Variants in PTPRN2 observed in about 807,000 individuals in gnomAD.
The protein encoded by PTPRN2 is protein tyrosine phosphatase receptor type N2.
In PTPRN2, 74 loss-of-function variants were observed where a neutral mutation model predicts 118.8. The ratio of observed to expected loss-of-function variants is 0.62; its 90% confidence interval spans 0.52 to 0.76. PTPRN2 has a LOEUF of 0.76. Ranked by LOEUF, PTPRN2 falls within the 30% of genes least tolerant of loss-of-function variation. The pLI, the probability that PTPRN2 is intolerant of heterozygous loss-of-function variation, is 0.00. For synonymous variants in PTPRN2, 641 were observed against 608.0 expected (o/e 1.05, Z -0.80); for missense variants, 1,481 against 1,394.4 (o/e 1.06, Z -0.99).
At chr7:158,456,511 T>C (rs1464841158) in intron 2 of PTPRN2, among the ~76,000 whole-genome samples, 84 of 113,170 alleles carry the variant, frequency 7.4e-4, no homozygotes, top group Admixed American at 8.5e-4. Context: ...ACGGCACGGA[T>C]GCCATCGGCC....
chr7:158,577,985 A>G (rs1043025646), intron 1 of PTPRN2, among the ~76,000 whole-genome samples: 2 of 152,216 alleles, frequency 1.3e-5, no homozygotes, highest in Non-Finnish European at 2.9e-5. Flanking sequence ...CCTGCAGGCC[A>G]GAGGGCAAAG....
intron 12 of PTPRN2, among the ~76,000 whole-genome samples, chr7:157,753,109 G>A (rs1801578319): frequency 6.6e-6 from 1 of 152,216 alleles, no homozygotes; most frequent in Admixed American, 6.5e-5. Flanking sequence ...CTGCGTGCAG[G>A]GGGCAAGGAC....
intron 2 of PTPRN2, among the ~76,000 whole-genome samples, chr7:158,396,599 C>A (rs1379873848): frequency 6.6e-6 from 1 of 151,764 alleles, no homozygotes; most frequent in Non-Finnish European, 1.5e-5. Flanking sequence ...TTAGAGGCCA[C>A]CCAGAGCTCT....
rs1203274506 is a variant in PTPRN2, at chr7:157,682,813, C to G, written c.1913G>C (p.Cys638Ser). 1.2e-6 allele frequency: 2 copies of G among 1,614,094 alleles called. No individual in the cohort carries two copies. The highest frequency in any genetic ancestry group is 1.7e-5 in the Admixed American group (1 of 60,032). ...GVLLASGLIY[C>S]LRHSSQHRLK... ...CCTGTGCTGAGAGCTATGGCGGAGG[C>G]AGTAGATGAGGCCAGAGGCCAGGAG... Residue 638 changes from cysteine to serine, a missense_variant, in exon 13 of 23, where the codon TGC becomes TCC. Around this residue, in one of 3 missense-constraint regions of PTPRN2, gnomAD observed 1,115 missense variants for 994.2 expected, o/e 1.12. Coordinates refer to ENST00000389418, the MANE Select transcript of PTPRN2 (RefSeq NM_002847.5).
chr7:157,855,546 G>GT (rs1400339671), intron 12 of PTPRN2, among the ~76,000 whole-genome samples: 7 of 152,202 alleles, frequency 4.6e-5, no homozygotes, highest in Non-Finnish European at 1.0e-4. Flanking sequence ...CTTGATACAA[G>GT]TAATTCTCTA....
At position 158,347,939 on chromosome 7, in the gene PTPRN2, G is replaced by GC. The variant is rs201594955; in HGVS notation, c.164-31008dup. 9.2e-3 allele frequency among the ~76,000 whole-genome samples: 1,406 copies of GC among 152,226 alleles called. 17 individuals are homozygous for GC. The highest frequency in any genetic ancestry group is 0.032 in the African/African-American group (1,328 of 41,536). On this transcript the variant is annotated intron_variant, in intron 2 of 22. Transcript: ENST00000389418. ...TCAAGGGCCTTGCATTCCTGGGGGT[G>GC]CCCCCTCTGCTGTTGTGGTATCCTA...
intron 12 of PTPRN2, among the ~76,000 whole-genome samples, chr7:157,687,282 A>G (rs1032039444): frequency 1.3e-5 from 2 of 152,190 alleles, no homozygotes; most frequent in South Asian, 2.1e-4. Flanking sequence ...CCCAAACTCA[A>G]TTGTGAGAGC....
Position 158,544,799 on chromosome 7 carries a change from C to T in PTPRN2, c.112+42759G>A, listed in dbSNP as rs1236310608. 6.6e-6 allele frequency among the ~76,000 whole-genome samples: 1 copy of T among 152,226 alleles called. No homozygotes were observed. Among genetic ancestry groups the T allele is most frequent in the African/African-American group, 2.4e-5 (1 of 41,464 alleles). Reference sequence around the variant, plus strand: ...CCCTGCTCTAGAGTGAACACAGAAGCACTGTCTGGGGCACCTGTTGTCCTG... The same window carrying T: ...CCCTGCTCTAGAGTGAACACAGAAGTACTGTCTGGGGCACCTGTTGTCCTG... On this transcript the variant is annotated intron_variant, in intron 1 of 22. Transcript: ENST00000389418. The surrounding 1 kb of genome is among the most constrained non-coding windows in gnomAD (Gnocchi z 4.2).
At chr7:158,337,070 A>G (rs186605422) in intron 2 of PTPRN2, among the ~76,000 whole-genome samples, 39 of 137,306 alleles carry the variant, frequency 2.8e-4, no homozygotes, top group Non-Finnish European at 5.0e-4. Context: ...ATAAGAGCTG[A>G]CACCCGCAGA....
chr7:158,540,647 G>T (rs1037396417), intron 1 of PTPRN2, among the ~76,000 whole-genome samples: 5 of 152,202 alleles, frequency 3.3e-5, no homozygotes, highest in Admixed American at 6.5e-5. Context: ...GACCACAAGG[G>T]ACCCTGGGGC....
intron 2 of PTPRN2, among the ~76,000 whole-genome samples, chr7:158,440,298 G>A (rs1029982194): frequency 1.5e-4 from 23 of 152,200 alleles, no homozygotes; most frequent in African/African-American, 4.1e-4. Flanking sequence ...CGTTCCATTC[G>A]GGCTTCAAAT....
chr7:158,529,643 G>A lies in PTPRN2; in HGVS notation c.113-39858C>T, dbSNP rs1236978804. ...CAATCAGCAGCGAAGATGCAGTGTG[G>A]GAATGACAGCAGCTTCCCTCTGCGG... On this transcript the variant is annotated intron_variant, in intron 1 of 22. Transcript: ENST00000389418. This position sits in a 1 kb window ranked among gnomAD's most constrained non-coding sequence, Gnocchi z 4.7. Among the ~76,000 whole-genome samples, 3 of 152,182 alleles carry A rather than the reference G, an allele frequency of 2.0e-5. No homozygotes were observed. The highest frequency in any genetic ancestry group is 7.2e-5 in the African/African-American group (3 of 41,440).
In PTPRN2 at chr7:158,570,491, G is replaced by A. The variant is rs893790368; in HGVS notation, c.112+17067C>T. On this transcript the variant is annotated intron_variant, in intron 1 of 22. Coordinates refer to ENST00000389418, the MANE Select transcript of PTPRN2 (RefSeq NM_002847.5). The surrounding 1 kb of genome is among the most constrained non-coding windows in gnomAD (Gnocchi z 4.5). ...GTGAGAAAGCGGCTTCGGCAGCTCC[G>A]ACCCCTCAACTGACGCGTCTCCCCG... Among the ~76,000 whole-genome samples the A allele has an allele frequency of 4.0e-4, 61 of 152,182 alleles. No individual in the cohort carries two copies. Among genetic ancestry groups the A allele is most frequent in the African/African-American group, 1.4e-3 (57 of 41,528 alleles).
chr7:158,218,670 T>C (rs983897932), intron 3 of PTPRN2, among the ~76,000 whole-genome samples: 2 of 152,180 alleles, frequency 1.3e-5, no homozygotes, highest in Admixed American at 1.3e-4. Flanking sequence ...GACCCAACTG[T>C]CTGCTGTCTT....
chr7:158,317,547 C>T (rs2151096929), intron 2 of PTPRN2, among the ~76,000 whole-genome samples: 1 of 152,364 alleles, frequency 6.6e-6, no homozygotes, highest in Admixed American at 6.5e-5. Flanking sequence ...CCTTTCCAAC[C>T]ACACCTTCTA....
At position 158,279,965 on chromosome 7, in the gene PTPRN2, C is replaced by T. The variant is rs1431988667; in HGVS notation, c.277+36854G>A. 3.3e-5 allele frequency among the ~76,000 whole-genome samples: 5 copies of T among 152,314 alleles called. No homozygotes were observed. In the East Asian group the frequency reaches 9.6e-4, roughly 29 times the overall value. The stretch of plus-strand genomic sequence containing the variant: ...TCCGTGAAGACAGTCGAGGTCTGTG[C>T]ACTTAATCCAGAGCCCCGGACGGCC... On this transcript the variant is annotated intron_variant, in intron 3 of 22. Transcript: ENST00000389418.
At chr7:158,092,460 G>A (rs2128947029) in intron 10 of PTPRN2, among the ~76,000 whole-genome samples, 1 of 151,984 alleles carries the variant, frequency 6.6e-6, no homozygotes, top group Non-Finnish European at 1.5e-5. Context: ...ATGAAAAATT[G>A]ATAGGTGGGT....
Position 157,547,749 on chromosome 7 carries a change from C to T in PTPRN2, c.2976+1197G>A, listed in dbSNP as rs144043425. Among the ~76,000 whole-genome samples the T allele has an allele frequency of 2.7e-3, 412 of 152,238 alleles. 1 individual carries two copies. Among genetic ancestry groups the T allele is most frequent in the African/African-American group, 9.4e-3 (391 of 41,530 alleles). Reference sequence around the variant, plus strand: ...AGTGGGTGTAGATGTGCCGCTCCCTCGTGAGGGACAGTCCTGCCCCCTGCC... The same window carrying T: ...AGTGGGTGTAGATGTGCCGCTCCCTTGTGAGGGACAGTCCTGCCCCCTGCC... On this transcript the variant is annotated intron_variant, in intron 22 of 22. Coordinates refer to ENST00000389418, the MANE Select transcript of PTPRN2 (RefSeq NM_002847.5).
At position 157,871,877 on chromosome 7, in the gene PTPRN2, G is replaced by A. The variant is rs547703579; in HGVS notation, c.1788+26796C>T. Among the ~76,000 whole-genome samples, 37 of 151,322 alleles carry A rather than the reference G, an allele frequency of 2.4e-4. 1 individual carries two copies. The East Asian group carries it at 3.1e-3, about 13-fold the overall frequency. On this transcript the variant is annotated intron_variant, in intron 12 of 22. Transcript: ENST00000389418. ...GCTCCAGAACACAGGATGTGGCCAC[G>A]CATACCCAGCACCTCCCCACACACA...
Sources: gnomAD v4.1 joint callset for allele counts (sites outside exome capture counted in the v4.1 genomes callset) on GRCh38, gnomAD v4.1.1 for gene constraint, gnomAD v4.1.1 regional missense constraint, Gnocchi (gnomAD v3.1) non-coding constraint, MANE v1.5 for transcripts, NCBI Gene and HGNC (gene_info 2026-07-23, HGNC 2026-07-21) for gene names.